Variants in LPP observed in about 807,000 individuals in gnomAD.
The protein encoded by LPP is LIM domain containing preferred translocation partner in lipoma.
LPP carries 38 observed loss-of-function variants against 60.4 expected under a neutral mutation model. The observed-to-expected ratio is 0.63, with a 90% confidence interval of 0.49 to 0.83. LPP has a LOEUF of 0.83. LPP is among the 40% of genes least tolerant of loss of function. The probability of loss-of-function intolerance (pLI) is 0.00; values close to 1 mark genes in which losing one functional copy is unlikely to be tolerated. For synonymous variants in LPP, 328 were observed against 290.8 expected (o/e 1.13, Z -1.30); for missense variants, 902 against 783.6 (o/e 1.15, Z -1.80).
At chr3:188,194,124 G>A (rs1451929207) in intron 1 of LPP, among the ~76,000 whole-genome samples, 1 of 152,214 alleles carries the variant, frequency 6.6e-6, no homozygotes, top group African/African-American at 2.4e-5. Context: ...TTGGTGAGTG[G>A]CCCTCATTCC....
intron 4 of LPP, among the ~76,000 whole-genome samples, chr3:188,433,912 A>C (rs1278793334): frequency 6.6e-6 from 1 of 152,172 alleles, no homozygotes; most frequent in Non-Finnish European, 1.5e-5. Flanking sequence ...GGGTGAGGAC[A>C]AAAGAAACCC....
At chr3:188,203,422 T>C (rs1731765990) in intron 1 of LPP, among the ~76,000 whole-genome samples, 1 of 97,034 alleles carries the variant, frequency 1.0e-5, no homozygotes, top group African/African-American at 4.3e-5. Context: ...ATATATATAA[T>C]ATAAATATAA....
chr3:188,873,739 A>T (rs1018053589), intron 11 of LPP, among the ~76,000 whole-genome samples: 5 of 152,170 alleles, frequency 3.3e-5, no homozygotes, highest in African/African-American at 4.8e-5. Flanking sequence ...TGTCCCCTGG[A>T]CTAGCAATCT....
At chr3:188,340,378 C>T (rs1762718745) in intron 2 of LPP, among the ~76,000 whole-genome samples, 1 of 147,868 alleles carries the variant, frequency 6.8e-6, no homozygotes, top group Non-Finnish European at 1.5e-5. Context: ...TCTTGCAGGG[C>T]ATCTGATCAA....
chr3:188,265,184 G>T (rs1735041352), intron 2 of LPP, among the ~76,000 whole-genome samples: 1 of 152,174 alleles, frequency 6.6e-6, no homozygotes, highest in South Asian at 2.1e-4. Flanking sequence ...AGATTTTTCA[G>T]CTATTGTTGT....
Position 188,823,226 on chromosome 3 carries a change from C to G in LPP, c.1411-42974C>G, listed in dbSNP as rs376260034. On this transcript the variant is annotated intron_variant, in intron 9 of 11. Transcript: ENST00000617246. ...AAATAACTTTCCCCTAGTAGCCAGA[C>G]AGAAAGCATCTTACTTTGCTCAAGC... 1.8e-3 allele frequency among the ~76,000 whole-genome samples: 280 copies of G among 152,230 alleles called. 1 individual carries two copies. Among genetic ancestry groups the G allele is most frequent in the African/African-American group, 6.4e-3 (267 of 41,534 alleles).
intron 4 of LPP, among the ~76,000 whole-genome samples, chr3:188,481,198 C>G (rs76635179): frequency 0.014 from 2,173 of 152,274 alleles, 51 homozygotes; most frequent in African/African-American, 0.049. Context: ...TTATGCCTCT[C>G]TCCAAGGGAA....
intron 1 of LPP, among the ~76,000 whole-genome samples, chr3:188,158,366 T>A (rs893866373): frequency 6.6e-6 from 1 of 152,074 alleles, no homozygotes; most frequent in Non-Finnish European, 1.5e-5. Context: ...AGGGAACATA[T>A]GAGGCGGAGA....
intron 2 of LPP, among the ~76,000 whole-genome samples, chr3:188,227,414 A>G (rs1458219020): frequency 7.9e-6 from 1 of 127,320 alleles, no homozygotes; most frequent in Non-Finnish European, 1.6e-5. Context: ...TTCAGTTCCC[A>G]CCTATGAGCA....
intron 8 of LPP, among the ~76,000 whole-genome samples, chr3:188,735,871 G>A (rs1722326383): frequency 6.6e-6 from 1 of 152,224 alleles, no homozygotes; most frequent in Non-Finnish European, 1.5e-5. Context: ...AGCTGTCCCA[G>A]CAAGAGTTAG....
intron 7 of LPP, among the ~76,000 whole-genome samples, chr3:188,622,545 T>C (rs538965333): frequency 1.3e-5 from 2 of 152,288 alleles, no homozygotes; most frequent in Admixed American, 1.3e-4. Context: ...ATACTTGCAA[T>C]GTTACTATAT....
chr3:188,234,583 G>C (rs76312487), intron 2 of LPP, among the ~76,000 whole-genome samples: 1,617 of 152,288 alleles, frequency 0.011, 15 homozygotes, highest in Non-Finnish European at 0.016. Flanking sequence ...AGCCCATTAA[G>C]TTTTAGAAGC....
At chr3:188,580,349 T>G (rs986262075) in intron 6 of LPP, among the ~76,000 whole-genome samples, 1 of 152,208 alleles carries the variant, frequency 6.6e-6, no homozygotes, top group African/African-American at 2.4e-5. Flanking sequence ...TCTTTAATCA[T>G]GTTTTTCTCT....
intron 8 of LPP, among the ~76,000 whole-genome samples, chr3:188,720,236 C>A (rs578227039): frequency 6.6e-6 from 1 of 152,254 alleles, no homozygotes; most frequent in East Asian, 1.9e-4. Flanking sequence ...TTGACCGATT[C>A]TTTCCTCTAC....
intron 2 of LPP, among the ~76,000 whole-genome samples, chr3:188,262,543 C>T (rs908909026): frequency 5.3e-5 from 8 of 152,088 alleles, no homozygotes; most frequent in African/African-American, 1.9e-4. Context: ...TTTTATGTAA[C>T]GTTTTTAAAG....
intron 5 of LPP, among the ~76,000 whole-genome samples, chr3:188,490,598 G>T (rs931633385): frequency 2.0e-5 from 3 of 151,686 alleles, no homozygotes; most frequent in Non-Finnish European, 4.4e-5. Flanking sequence ...TCCTGACTTC[G>T]GGTGATCCGC....
chr3:188,805,999 T>C (rs1349749917), intron 9 of LPP, among the ~76,000 whole-genome samples: 2 of 151,892 alleles, frequency 1.3e-5, no homozygotes, highest in African/African-American at 4.8e-5. Context: ...GCTAGAAATA[T>C]GGTATATCTT....
intron 4 of LPP, among the ~76,000 whole-genome samples, chr3:188,481,900 G>T (rs1258662165): frequency 6.6e-6 from 1 of 152,102 alleles, no homozygotes; most frequent in African/African-American, 2.4e-5. Flanking sequence ...TTATAAAATG[G>T]GTATGAAGAA....
At chr3:188,188,385 T>C (rs1330658788) in intron 1 of LPP, among the ~76,000 whole-genome samples, 1 of 152,234 alleles carries the variant, frequency 6.6e-6, no homozygotes, top group Non-Finnish European at 1.5e-5. Flanking sequence ...TGCCTAGTAA[T>C]TCACTGAGTT....
Sources: allele counts gnomAD v4.1 joint callset (sites outside exome capture counted in the v4.1 genomes callset), GRCh38; gene constraint gnomAD v4.1.1; transcripts MANE v1.5; gene names NCBI Gene and HGNC (gene_info 2026-07-23, HGNC 2026-07-21).